The following CHD5 variants were observed in gnomAD, a reference collection of about 807,000 sequenced individuals.
CHD5 encodes chromodomain helicase DNA binding protein 5.
In CHD5, 69 loss-of-function variants were observed where a neutral mutation model predicts 230.3. The observed-to-expected ratio is 0.30, with a 90% CI of 0.25 to 0.37. The LOEUF (loss-of-function observed/expected upper bound fraction) is 0.37. Ranked by LOEUF, CHD5 falls within the 10% of genes least tolerant of loss-of-function variation. The pLI, the probability that CHD5 is intolerant of heterozygous loss-of-function variation, is 1.00. For missense variants in CHD5, 1,827 were observed against 2,622.8 expected (o/e 0.70, Z 6.63); for synonymous variants, 1,064 against 1,065.9 (o/e 1.00, Z 0.03).
rs201341413 is a variant in CHD5, at chr1:6,130,158, G to A, written c.3387+46C>T. 4 of 1,609,286 alleles carry A rather than the reference G, an allele frequency of 2.5e-6. No homozygotes were observed. Among genetic ancestry groups the A allele is most frequent in the Non-Finnish European group, 3.4e-6 (4 of 1,176,560 alleles). Reference sequence around the variant, plus strand: ...AAGGACAGAACCTGCCTGAGGCCCGGGATGAGAGGCCCCCTGGGAGGGTGG... The same window carrying A: ...AAGGACAGAACCTGCCTGAGGCCCGAGATGAGAGGCCCCCTGGGAGGGTGG... On this transcript the variant is annotated intron_variant, in intron 22 of 41. Coordinates refer to ENST00000262450, the MANE Select transcript of CHD5 (RefSeq NM_015557.3). This position sits in a 1 kb window ranked among gnomAD's most constrained non-coding sequence, Gnocchi z 4.9.
intron 15 of CHD5, among the ~76,000 whole-genome samples, chr1:6,141,304 T>TTAATAA (rs573565940): frequency 7.4e-6 from 1 of 135,410 alleles, no homozygotes; most frequent in African/African-American, 2.8e-5. Flanking sequence ...ATAATAATAA[T>TTAATAA]TAATAATAAT....
At position 6,154,986 on chromosome 1, in the gene CHD5, CAT is replaced by C; in HGVS notation, c.507-90_507-89del. ...CCCGGCAGGGCCCACCCCTCTGCCA[CAT>C]GTGCGATCTATGGCAGCAGCCCCAG... On this transcript the variant is annotated intron_variant, in intron 4 of 41. Transcript: ENST00000262450. This position sits in a 1 kb window ranked among gnomAD's most constrained non-coding sequence, Gnocchi z 7.0. 1.7e-6 allele frequency: 2 copies of C among 1,174,982 alleles called. No individual in the cohort carries two copies. The highest frequency in any genetic ancestry group is 2.1e-5 in the Admixed American group (1 of 47,784). The allele number at this position is 1,174,982 out of a possible 1,614,324, so 72.8% of individuals were successfully genotyped here.
At chr1:6,112,872 A>G in intron 34 of CHD5, 37 bp downstream of exon 34, 1 of 1,505,082 alleles carries the variant, frequency 6.6e-7, no homozygotes, top group Non-Finnish European at 9.2e-7. Context: ...TCAAGGGACC[A>G]TGGGGCACAG....
chr1:6,143,652 T>C (rs1477751304), intron 13 of CHD5, among the ~76,000 whole-genome samples, 171 bp downstream of exon 13: 1 of 152,126 alleles, frequency 6.6e-6, no homozygotes, highest in Non-Finnish European at 1.5e-5. Context: ...AGCTGCAGTG[T>C]TATGAGGGGC....
Position 6,131,221 on chromosome 1 carries a change from G to A in CHD5, c.3262+410C>T, listed in dbSNP as rs1164166104. On this transcript the variant is annotated intron_variant, in intron 21 of 41. Coordinates refer to ENST00000262450, the MANE Select transcript of CHD5 (RefSeq NM_015557.3). The surrounding 1 kb of genome is among the most constrained non-coding windows in gnomAD (Gnocchi z 5.0). Reference sequence around the variant, plus strand: ...GGAAGACCAAGCATGGGTGACTCTGGGGAAAGAGCCTGATCATGTGTGGCC... The same window carrying A: ...GGAAGACCAAGCATGGGTGACTCTGAGGAAAGAGCCTGATCATGTGTGGCC... 6.6e-6 allele frequency among the ~76,000 whole-genome samples: 1 copy of A among 152,118 alleles called. No individual in the cohort carries two copies. The highest frequency in any genetic ancestry group is 1.5e-5 in the Non-Finnish European group (1 of 68,018).
At chr1:6,170,333 G>A (rs987140980) in intron 1 of CHD5, among the ~76,000 whole-genome samples, 1 of 152,174 alleles carries the variant, frequency 6.6e-6, no homozygotes, top group African/African-American at 2.4e-5. Context: ...CCTAAGCGGG[G>A]AAAGGGGGAC....
chr1:6,107,962 G>A (rs1666221121), intron 38 of CHD5, among the ~76,000 whole-genome samples: 1 of 142,256 alleles, frequency 7.0e-6, no homozygotes, highest in Non-Finnish European at 1.5e-5. Flanking sequence ...ATGATGGAGG[G>A]ATGGAAGGAT....
rs757063544 is a variant in CHD5 at position 6,144,119 on chromosome 1, C to G, written c.1839G>C (p.Lys613Asn). The change falls in exon 12 of 42, where the codon AAG becomes AAC. Residue 613 changes from lysine to asparagine, a missense_variant. By Grantham distance (94) the Lys-to-Asn change is moderately conservative (BLOSUM62 0). This residue lies in a region of CHD5 where 657 missense variants were observed against 816.4 expected (regional missense o/e 0.80). Transcript: ENST00000262450. Reference sequence around the variant, plus strand: ...ACTGGTCGTAGGGCAGGTCTTTCCACTTGATCAGGTAGTGCACATCCCCCT... The same window carrying G: ...ACTGGTCGTAGGGCAGGTCTTTCCAGTTGATCAGGTAGTGCACATCCCCCT... ...DKKGDVHYLI[K>N]WKDLPYDQCT... The G allele has an allele frequency of 6.2e-7, 1 of 1,614,202 alleles. No individual in the cohort carries two copies. Among genetic ancestry groups the G allele is most frequent in the South Asian group, 1.1e-5 (1 of 91,084 alleles).
At chr1:6,123,810 A>G in intron 31 of CHD5, 138 bp downstream of exon 31, 1 of 550,190 alleles carries the variant, frequency 1.8e-6, no homozygotes, top group Non-Finnish European at 3.0e-6. Context: ...CTCTCTGTAG[A>G]GTGACATTTC....
In CHD5 at chr1:6,155,089, CACCCACAGCCCACCCCCAAAACA is replaced by C. The variant is rs1667060845; in HGVS notation, c.507-214_507-192del. Among the ~76,000 whole-genome samples, 1 of 99,908 alleles carries C rather than the reference CACCCACAGCCCACCCCCAAAACA, an allele frequency of 1.0e-5. No individual in the cohort carries two copies. The highest frequency in any genetic ancestry group is 2.4e-5 in the Non-Finnish European group (1 of 41,758). 65.5% of individuals were successfully genotyped at this position (99,908 alleles called of 152,430 possible). A position where few individuals can be genotyped will look rare whatever the true frequency, so the allele number is the denominator to read the frequency against. On this transcript the variant is annotated intron_variant, in intron 4 of 41. Coordinates refer to ENST00000262450, the MANE Select transcript of CHD5 (RefSeq NM_015557.3). The surrounding 1 kb of genome is among the most constrained non-coding windows in gnomAD (Gnocchi z 4.0). ...CCAAAACGCCCCAGCTTCCTGTCCA[CACCCACAGCCCACCCCCAAAACA>C]CCCAGCTTCCTGTCCACACCCACAG...
At position 6,130,002 on chromosome 1, in the gene CHD5, A is replaced by G; in HGVS notation, c.3387+202T>C. 2 of 609,718 alleles carry G rather than the reference A, an allele frequency of 3.3e-6. No homozygotes were observed. Among genetic ancestry groups the G allele is most frequent in the South Asian group, 3.9e-5 (2 of 51,124 alleles). The allele number at this position is 609,718 out of a possible 1,614,324, so 37.8% of individuals were successfully genotyped here. ...TCCAAGCCTGCTTCCTCCTCTGGACAAGGACAGAGCTGGAGGGATGGGGGC... is the reference window on the plus strand; with the variant it reads ...TCCAAGCCTGCTTCCTCCTCTGGACGAGGACAGAGCTGGAGGGATGGGGGC... On this transcript the variant is annotated intron_variant, in intron 22 of 41. Coordinates refer to ENST00000262450, the MANE Select transcript of CHD5 (RefSeq NM_015557.3). The surrounding 1 kb of genome is among the most constrained non-coding windows in gnomAD (Gnocchi z 4.9).
intron 13 of CHD5, 125 bp downstream of exon 13, chr1:6,143,698 G>A (rs1349077581): frequency 2.4e-6 from 2 of 823,374 alleles, no homozygotes; most frequent in African/African-American, 1.7e-5. Context: ...GCATGACACT[G>A]TCTGCATAAG....
At chr1:6,159,711 C>T (rs979188846) in intron 2 of CHD5, among the ~76,000 whole-genome samples, 196 bp from the exon 3 acceptor site, 3 of 152,268 alleles carry the variant, frequency 2.0e-5, no homozygotes, top group African/African-American at 7.2e-5. Context: ...CCAAGCCAGC[C>T]TGAGCCAAGT....
Position 6,155,572 on chromosome 1 carries a change from G to T in CHD5, c.506+27C>A. 6.3e-7 allele frequency: 1 copy of T among 1,575,448 alleles called. No homozygotes were observed. Among genetic ancestry groups the T allele is most frequent in the Non-Finnish European group, 8.7e-7 (1 of 1,145,096 alleles). On this transcript the variant is annotated intron_variant, in intron 4 of 41. Coordinates refer to ENST00000262450, the MANE Select transcript of CHD5 (RefSeq NM_015557.3). The surrounding 1 kb of genome is among the most constrained non-coding windows in gnomAD (Gnocchi z 4.0). Reference sequence around the variant, plus strand: ...GTACCACCAGAGGATGTGCGGGCCTGGAGAACAGCCCTAGTGCCCCGCCCA... The same window carrying T: ...GTACCACCAGAGGATGTGCGGGCCTTGAGAACAGCCCTAGTGCCCCGCCCA...
In CHD5 at chr1:6,144,008, G is replaced by A; in HGVS notation, c.1934+16C>T. The A allele has an allele frequency of 6.2e-7, 1 of 1,614,116 alleles. No homozygotes were observed. Among genetic ancestry groups the A allele is most frequent in the East Asian group, 2.2e-5 (1 of 44,880 alleles). On this transcript the variant is annotated intron_variant, in intron 12 of 41. Transcript: ENST00000262450. Reference sequence around the variant, plus strand: ...CCCGGCAGCCTGTGCCTAGCAGCCGGATCCCTGCGACCCACCTGTGGCCCC... The same window carrying A: ...CCCGGCAGCCTGTGCCTAGCAGCCGAATCCCTGCGACCCACCTGTGGCCCC...
chr1:6,146,068 C>T lies in CHD5; in HGVS notation c.1802+144G>A, dbSNP rs2100860519. On this transcript the variant is annotated intron_variant, in intron 11 of 41. Transcript: ENST00000262450. This position sits in a 1 kb window ranked among gnomAD's most constrained non-coding sequence, Gnocchi z 5.1. ...TGGGAACCCTGGGCCCTTCCTTGTGCCCCTGCTGTGCCCACATGTGGTTCT... is the reference window on the plus strand; with the variant it reads ...TGGGAACCCTGGGCCCTTCCTTGTGTCCCTGCTGTGCCCACATGTGGTTCT... 1.4e-6 allele frequency: 1 copy of T among 738,598 alleles called. No homozygotes were observed. Among genetic ancestry groups the T allele is most frequent in the Non-Finnish European group, 2.2e-6 (1 of 452,094 alleles). The allele number at this position is 738,598 out of a possible 1,614,324, so 45.8% of individuals were successfully genotyped here.
chr1:6,176,028 C>T (rs372115151), intron 1 of CHD5, among the ~76,000 whole-genome samples: 5 of 152,022 alleles, frequency 3.3e-5, no homozygotes, highest in Admixed American at 1.3e-4. Context: ...GATGGGTGAG[C>T]GACTGAATGA....
chr1:6,164,198 C>T (rs114382907), intron 2 of CHD5, among the ~76,000 whole-genome samples: 1,666 of 152,348 alleles, frequency 0.011, 21 homozygotes, highest in South Asian at 0.029. Context: ...GCTCCGCACA[C>T]GCACCGCATC....
chr1:6,137,367 A>G (rs570121292), intron 15 of CHD5, among the ~76,000 whole-genome samples: 2 of 152,268 alleles, frequency 1.3e-5, no homozygotes, highest in African/African-American at 4.8e-5. Flanking sequence ...TCGACCTCCC[A>G]TAGTGTTGGG....
Sources: gnomAD v4.1 joint callset for allele counts (sites outside exome capture counted in the v4.1 genomes callset) on GRCh38, gnomAD v4.1.1 for gene constraint, gnomAD v4.1.1 regional missense constraint, Gnocchi (gnomAD v3.1) non-coding constraint, MANE v1.5 for transcripts, NCBI Gene and HGNC (gene_info 2026-07-23, HGNC 2026-07-21) for gene names.